The following SLC16A7 variants were observed in gnomAD, a reference collection of about 807,000 sequenced individuals.
SLC16A7 encodes solute carrier family 16 member 7, also known as monocarboxylate transporter 2.
Under a neutral mutation model 34.9 loss-of-function variants are expected in SLC16A7, and 33 were observed. The ratio of observed to expected loss-of-function variants is 0.94; its 90% confidence interval spans 0.72 to 1.26. The LOEUF is 1.26. Ranked by LOEUF, SLC16A7 falls within the 50% of genes most tolerant of loss-of-function variation. The pLI, the probability that SLC16A7 is intolerant of heterozygous loss-of-function variation, is 0.00. For missense variants in SLC16A7, 573 were observed against 578.1 expected (o/e 0.99, Z 0.09); for synonymous variants, 201 against 206.6 (o/e 0.97, Z 0.23).
intron 1 of SLC16A7, among the ~76,000 whole-genome samples, chr12:59,617,318 G>A (rs941685106): frequency 4.6e-5 from 7 of 151,846 alleles, no homozygotes; most frequent in South Asian, 2.1e-4. Flanking sequence ...ACAGGCACTA[G>A]GCTCCAATCT....
intron 3 of SLC16A7, among the ~76,000 whole-genome samples, chr12:59,750,572 G>A (rs1317774357): frequency 6.6e-6 from 1 of 152,192 alleles, no homozygotes; most frequent in African/African-American, 2.4e-5. Context: ...AGATGCTGGA[G>A]AGGATGTGGA....
At chr12:59,729,777 G>A (rs1188109004) in intron 3 of SLC16A7, among the ~76,000 whole-genome samples, 1 of 152,140 alleles carries the variant, frequency 6.6e-6, no homozygotes. Flanking sequence ...GTAAGCATCT[G>A]AATGTGGAAT....
chr12:59,657,687 A>G (rs565105938), intron 2 of SLC16A7, among the ~76,000 whole-genome samples: 8 of 152,090 alleles, frequency 5.3e-5, no homozygotes, highest in Non-Finnish European at 1.2e-4. Flanking sequence ...GGCCTTCACC[A>G]CAGTGGCTAT....
chr12:59,651,646 C>G (rs1868344458), intron 1 of SLC16A7, among the ~76,000 whole-genome samples: 1 of 152,108 alleles, frequency 6.6e-6, no homozygotes, highest in African/African-American at 2.4e-5. Context: ...TGTCTCATGC[C>G]TGTCATTTAC....
intron 1 of SLC16A7, among the ~76,000 whole-genome samples, chr12:59,634,605 G>A (rs1350581275): frequency 6.6e-6 from 1 of 151,984 alleles, no homozygotes; most frequent in Non-Finnish European, 1.5e-5. Flanking sequence ...GGATGGTGGA[G>A]GATGAAGAGC....
intron 2 of SLC16A7, among the ~76,000 whole-genome samples, chr12:59,676,792 A>G: frequency 6.6e-6 from 1 of 152,240 alleles, no homozygotes; most frequent in Non-Finnish European, 1.5e-5. Flanking sequence ...TTTTTATTTT[A>G]AGTTTCCTAT....
At chr12:59,704,199 C>CAAAAAAAAAAAA (rs34021022) in intron 2 of SLC16A7, among the ~76,000 whole-genome samples, 2 of 51,608 alleles carry the variant, frequency 3.9e-5, no homozygotes, top group African/African-American at 1.2e-4. Context: ...GACTCTGTCT[C>CAAAAAAAAAAAA]AAAAAAAAAA....
chr12:59,739,136 A>G (rs61933793), intron 3 of SLC16A7, among the ~76,000 whole-genome samples: 17,828 of 149,652 alleles, frequency 0.12, 1,411 homozygotes, highest in African/African-American at 0.21. Flanking sequence ...CTGGTGTGCT[A>G]CACCCATTAA....
chr12:59,662,345 A>C (rs1290453473), intron 2 of SLC16A7, among the ~76,000 whole-genome samples: 1 of 152,134 alleles, frequency 6.6e-6, no homozygotes, highest in African/African-American at 2.4e-5. Context: ...TTAAACACAG[A>C]ATTAATAACC....
intron 3 of SLC16A7, among the ~76,000 whole-genome samples, chr12:59,714,635 G>T (rs1471849201): frequency 6.6e-6 from 1 of 151,820 alleles, no homozygotes; most frequent in East Asian, 1.9e-4. Flanking sequence ...CACGATCTAG[G>T]CTCACTGCAA....
At chr12:59,733,995 G>A in intron 3 of SLC16A7, 1 of 358,254 alleles carries the variant, frequency 2.8e-6, no homozygotes, top group East Asian at 7.5e-5. Context: ...TTGGTCTGTG[G>A]GCAGCCATGG....
At chr12:59,688,325 T>G (rs892172875) in intron 2 of SLC16A7, among the ~76,000 whole-genome samples, 6 of 152,004 alleles carry the variant, frequency 3.9e-5, no homozygotes, top group African/African-American at 7.2e-5. Flanking sequence ...ATGACCACTT[T>G]AAGGAGTTCA....
chr12:59,729,459 T>C (rs1876678025), intron 3 of SLC16A7, among the ~76,000 whole-genome samples: 1 of 152,250 alleles, frequency 6.6e-6, no homozygotes, highest in African/African-American at 2.4e-5. Context: ...TGCCTCATTC[T>C]AATTCCCAAA....
At chr12:59,703,027 A>G (rs937518842) in intron 2 of SLC16A7, among the ~76,000 whole-genome samples, 1 of 152,134 alleles carries the variant, frequency 6.6e-6, no homozygotes, top group African/African-American at 2.4e-5. Flanking sequence ...ACTGAAAATA[A>G]AAAGCATTTA....
chr12:59,778,394 A>C (rs1882968474), intron 5 of SLC16A7, among the ~76,000 whole-genome samples: 1 of 152,150 alleles, frequency 6.6e-6, no homozygotes, highest in South Asian at 2.1e-4. Flanking sequence ...TTTAATGTTG[A>C]GCCACTGACT....
chr12:59,655,191 A>T lies in SLC16A7; in HGVS notation c.-90A>T, dbSNP rs1017249614. 6.6e-6 allele frequency: 1 copy of T among 151,904 alleles called. No individual in the cohort carries two copies. Among genetic ancestry groups the T allele is most frequent in the Non-Finnish European group, 1.5e-5 (1 of 67,908 alleles). 9.4% of individuals were successfully genotyped at this position (151,904 alleles called of 1,614,324 possible). On this transcript the variant is annotated 5_prime_UTR_variant, in exon 2 of 6. Coordinates refer to ENST00000547379, the MANE Select transcript of SLC16A7 (RefSeq NM_001270623.2). ...ATGTGATACTTTCCTGTGAAACCTG[A>T]AACAAGGTGATCTGGGGAACCAAAG...
chr12:59,738,361 A>T (rs1877849564), intron 3 of SLC16A7, among the ~76,000 whole-genome samples: 1 of 152,216 alleles, frequency 6.6e-6, no homozygotes, highest in African/African-American at 2.4e-5. Context: ...TGTGTGAATG[A>T]TTGTGAAATA....
At chr12:59,751,897 T>A (rs1879625615) in intron 3 of SLC16A7, among the ~76,000 whole-genome samples, 2 of 152,042 alleles carry the variant, frequency 1.3e-5, no homozygotes, top group Admixed American at 6.6e-5. Flanking sequence ...CGGGTACTCC[T>A]CTTAGACAAA....
intron 2 of SLC16A7, among the ~76,000 whole-genome samples, chr12:59,702,546 A>T (rs1232182777): frequency 6.6e-6 from 1 of 152,066 alleles, no homozygotes; most frequent in Non-Finnish European, 1.5e-5. Flanking sequence ...CTTTGCCCCA[A>T]TTACTGTGAT....
Sources: gnomAD v4.1 joint callset for allele counts (sites outside exome capture counted in the v4.1 genomes callset) on GRCh38, gnomAD v4.1.1 for gene constraint, MANE v1.5 for transcripts, NCBI Gene and HGNC (gene_info 2026-07-23, HGNC 2026-07-21) for gene names.